The following FASLG variants were observed in gnomAD, a reference collection of about 807,000 sequenced individuals.
FASLG encodes tumor necrosis factor ligand superfamily member 6.
FASLG carries 9 observed loss-of-function variants against 24.6 expected under a neutral mutation model. The ratio of observed to expected loss-of-function variants is 0.37; its 90% confidence interval spans 0.22 to 0.64. The LOEUF is 0.64. Among genes scored for constraint, FASLG ranks in the 30% least tolerant of loss-of-function variants. The pLI is 0.64. For synonymous variants in FASLG, 130 were observed against 135.5 expected, an observed-to-expected ratio of 0.96 and a Z score of 0.28; for missense variants, 306 against 345.3, an observed-to-expected ratio of 0.89 and a Z score of 0.90.
Position 172,659,179 on chromosome 1 carries a change from G to T in FASLG, c.-23G>T, listed in dbSNP as rs371742438. On this transcript the variant is annotated 5_prime_UTR_variant, in exon 1 of 4. Coordinates refer to ENST00000367721, the MANE Select transcript of FASLG (RefSeq NM_000639.3). ...AGAAGAAGTAAAACCGTTTGCTGGG[G>T]CTGGCCTGACTCACCAGCTGCCATG... The T allele has an allele frequency of 1.4e-5, 22 of 1,614,044 alleles. No homozygotes were observed. Among genetic ancestry groups the T allele is most frequent in the Non-Finnish European group, 1.7e-5 (20 of 1,180,002 alleles).
chr1:172,664,473 T>C (rs1328500192), intron 3 of FASLG, 83 bp downstream of exon 3: 2 of 1,314,906 alleles, frequency 1.5e-6, no homozygotes, highest in Non-Finnish European at 2.2e-6. Flanking sequence ...ATTACCAGGC[T>C]CTAGAGAGTT....
rs2639653 is a variant in FASLG, at chr1:172,665,594, T to C, written c.452-28T>C. 0.99 allele frequency: 1,586,145 copies of C among 1,607,482 alleles called. 782,588 individuals are homozygous for C. The highest frequency in any genetic ancestry group is 1 in the East Asian group (44,878 of 44,880). On this transcript the variant is annotated intron_variant, in intron 3 of 3. Coordinates refer to ENST00000367721, the MANE Select transcript of FASLG (RefSeq NM_000639.3). ...TTGTTGGATGCATGACTATTCCTTG[T>C]TGAAAGCTCCTTTTGGATTTATTTC...
At chr1:172,662,010 T>C (rs895311702) in intron 2 of FASLG, among the ~76,000 whole-genome samples, 1 of 152,056 alleles carries the variant, frequency 6.6e-6, no homozygotes, top group Admixed American at 6.6e-5. Flanking sequence ...TATGAGCCTA[T>C]TTATAATAAA....
rs999784381 is a variant in FASLG, at chr1:172,665,860, G to A, written c.690G>A (p.Met230Ile). 1.9e-6 allele frequency: 3 copies of A among 1,614,022 alleles called. No individual in the cohort carries two copies. The highest frequency in any genetic ancestry group is 2.5e-6 in the Non-Finnish European group (3 of 1,179,932). The change falls in exon 4 of 4, where the codon ATG becomes ATA. Residue 230 changes from methionine to isoleucine, a missense_variant. Transcript: ENST00000367721. The stretch of plus-strand genomic sequence containing the variant: ...TGGTGATGATGGAGGGGAAGATGAT[G>A]AGCTACTGCACTACTGGGCAGATGT... ...QDLVMMEGKM[M>I]SYCTTGQMWA...
At chr1:172,663,297 C>T (rs1485786273) in intron 2 of FASLG, among the ~76,000 whole-genome samples, 1 of 152,062 alleles carries the variant, frequency 6.6e-6, no homozygotes, top group Non-Finnish European at 1.5e-5. Context: ...TCGTAAGGAA[C>T]TTGTCGTTAT....
chr1:172,664,223 G>T, intron 2 of FASLG, 111 bp from the exon 3 acceptor site: 2 of 1,107,290 alleles, frequency 1.8e-6, no homozygotes, highest in Non-Finnish European at 2.7e-6. Context: ...TTAGACTGTT[G>T]CCATTTACGG....
At position 172,665,801 on chromosome 1, in the gene FASLG, G is replaced by T. The variant is rs147369993; in HGVS notation, c.631G>T (p.Val211Phe). 1 of 1,614,094 alleles carries T rather than the reference G, an allele frequency of 6.2e-7. No individual in the cohort carries two copies. Among genetic ancestry groups the T allele is most frequent in the African/African-American group, 1.3e-5 (1 of 75,000 alleles). ...CAACAACCTGCCCCTGAGCCACAAG[G>T]TCTACATGAGGAACTCTAAGTATCC... ...SCNNLPLSHK[V>F]YMRNSKYPQD... The change falls in exon 4 of 4, where the codon GTC becomes TTC. Residue 211 changes from valine to phenylalanine, a missense_variant. Val to Phe is a conservative substitution (Grantham distance 50). Coordinates refer to ENST00000367721, the MANE Select transcript of FASLG (RefSeq NM_000639.3).
At chr1:172,664,242 T>C (rs893885885) in intron 2 of FASLG, 92 bp from the exon 3 acceptor site, 1 of 1,378,020 alleles carries the variant, frequency 7.3e-7, no homozygotes, top group Non-Finnish European at 1.0e-6. Context: ...GGTTTTAAAA[T>C]CTTTTTTTTA....
At chr1:172,662,891 G>C (rs1659173393) in intron 2 of FASLG, among the ~76,000 whole-genome samples, 1 of 152,106 alleles carries the variant, frequency 6.6e-6, no homozygotes, top group Admixed American at 6.5e-5. Context: ...TTAGTTGCTC[G>C]GGTGGTTTGC....
rs772841752 is a variant in FASLG at position 172,666,265 on chromosome 1, T to G, written c.*249T>G. On this transcript the variant is annotated 3_prime_UTR_variant, in exon 4 of 4. Coordinates refer to ENST00000367721, the MANE Select transcript of FASLG (RefSeq NM_000639.3). ...GCTGCCATGTGAAGAGGGAGAAGCA[T>G]GAAAAAGCAGCTACCAGGTGTTCTA... 1 of 518,890 alleles carries G rather than the reference T, an allele frequency of 1.9e-6. No homozygotes were observed. Among genetic ancestry groups the G allele is most frequent in the Admixed American group, 3.2e-5 (1 of 31,730 alleles). 32.1% of individuals were successfully genotyped at this position (518,890 alleles called of 1,614,324 possible).
chr1:172,664,243 C>CT (rs945505342), intron 2 of FASLG, 91 bp from the exon 3 acceptor site: 86 of 1,390,898 alleles, frequency 6.2e-5, no homozygotes, highest in Middle Eastern at 2.3e-4. Flanking sequence ...GTTTTAAAAT[C>CT]TTTTTTTTAA....
chr1:172,660,877 T>G (rs932595026), intron 2 of FASLG, among the ~76,000 whole-genome samples: 1 of 152,256 alleles, frequency 6.6e-6, no homozygotes, highest in Non-Finnish European at 1.5e-5. Context: ...GATTTTACAG[T>G]GTGCTTCACT....
Position 172,666,102 on chromosome 1 carries a change from A to G in FASLG, c.*86A>G. 1 of 1,532,634 alleles carries G rather than the reference A, an allele frequency of 6.5e-7. No individual in the cohort carries two copies. The highest frequency in any genetic ancestry group is 8.9e-7 in the Non-Finnish European group (1 of 1,119,414). 94.9% of individuals were successfully genotyped at this position (1,532,634 alleles called of 1,614,324 possible). On this transcript the variant is annotated 3_prime_UTR_variant, in exon 4 of 4. Coordinates refer to ENST00000367721, the MANE Select transcript of FASLG (RefSeq NM_000639.3). ...ATTCAGTGAGGGTCTTCTTACATGC[A>G]TTTGAGGTCAAGTAAGAAGACATGA...
intron 2 of FASLG, among the ~76,000 whole-genome samples, chr1:172,662,307 T>C (rs982698118): frequency 2.0e-5 from 3 of 152,182 alleles, no homozygotes; most frequent in Non-Finnish European, 2.9e-5. Context: ...GATACTATTA[T>C]AGATTATTTA....
At chr1:172,664,518 T>C in intron 3 of FASLG, 128 bp downstream of exon 3, 1 of 857,300 alleles carries the variant, frequency 1.2e-6, no homozygotes, top group Non-Finnish European at 2.0e-6. Flanking sequence ...AACCCAATAA[T>C]ACTAACACTT....
rs1208822346 is a variant in FASLG at position 172,664,363 on chromosome 1, G to A, written c.424G>A (p.Glu142Lys). The part of the protein sequence containing the change: ...GHPSPPPEKK[E>K]LRKVAHLTGK... ...CCCCAGTCCACCCCCTGAAAAAAAGGAGCTGAGGAAAGTGGCCCATTTAAC... is the reference window on the plus strand; with the variant it reads ...CCCCAGTCCACCCCCTGAAAAAAAGAAGCTGAGGAAAGTGGCCCATTTAAC... Residue 142 changes from glutamate to lysine, a missense_variant, in exon 3 of 4, where the codon GAG becomes AAG. Physicochemically the swap from Glu to Lys is moderately conservative, Grantham distance 56. Transcript: ENST00000367721. 1 of 1,614,034 alleles carries A rather than the reference G, an allele frequency of 6.2e-7. No homozygotes were observed. The highest frequency in any genetic ancestry group is 1.1e-5 in the South Asian group (1 of 91,068).
At chr1:172,663,289 G>A (rs1012837398) in intron 2 of FASLG, among the ~76,000 whole-genome samples, 4 of 152,248 alleles carry the variant, frequency 2.6e-5, no homozygotes, top group Non-Finnish European at 5.9e-5. Flanking sequence ...TCAACGTATC[G>A]TAAGGAACTT....
In FASLG at chr1:172,660,110, C is replaced by T. The variant is rs140406512; in HGVS notation, c.364C>T (p.His122Tyr). ...GTTTTACTAGTCTACCAGCCAGATG[C>T]ACACAGCATCATCTTTGGAGAAGCA... The part of the protein sequence containing the change: ...AELRESTSQM[H>Y]TASSLEKQIG... The change falls in exon 2 of 4, where the codon CAC (histidine) becomes TAC (tyrosine). Residue 122 changes from histidine (H) to tyrosine (Y), a missense_variant. Physicochemically the swap from His to Tyr is moderately conservative, Grantham distance 83. Coordinates refer to ENST00000367721, the MANE Select transcript of FASLG (RefSeq NM_000639.3). The T allele has an allele frequency of 1.9e-6, 3 of 1,614,120 alleles. No homozygotes were observed. In the South Asian group the frequency reaches 3.3e-5, roughly 18 times the overall value.
In FASLG at chr1:172,665,999, G is replaced by T; in HGVS notation, c.829G>T (p.Gly277Cys). ...TTTTGAGGAATCTCAGACGTTTTTCGGCTTATATAAGCTCTAAGAGAAGCA... is the reference window on the plus strand; with the variant it reads ...TTTTGAGGAATCTCAGACGTTTTTCTGCTTATATAAGCTCTAAGAGAAGCA... ...VNFEESQTFF[G>C]LYKL Residue 277 changes from glycine to cysteine, a missense_variant, in exon 4 of 4, where the codon GGC becomes TGC. Physicochemically the swap from Gly to Cys is radical, Grantham distance 159. Transcript: ENST00000367721. 1 of 1,613,748 alleles carries T rather than the reference G, an allele frequency of 6.2e-7. No individual in the cohort carries two copies. The highest frequency in any genetic ancestry group is 8.5e-7 in the Non-Finnish European group (1 of 1,179,902).
Sources: allele counts gnomAD v4.1 joint callset (sites outside exome capture counted in the v4.1 genomes callset), GRCh38; gene constraint gnomAD v4.1.1; transcripts MANE v1.5; gene names NCBI Gene and HGNC (gene_info 2026-07-23, HGNC 2026-07-21).